The following PPFIA2 variants were observed in gnomAD, a reference collection of about 807,000 sequenced individuals.
The protein encoded by PPFIA2 is PPFI scaffold protein A2, also known as liprin-alpha-2.
A neutral mutation model predicts 175.5 loss-of-function variants in PPFIA2; 46 were observed. That is an observed-to-expected ratio of 0.26 (90% CI 0.21 to 0.34). PPFIA2 has a LOEUF of 0.34. Among genes scored for constraint, PPFIA2 ranks in the 10% least tolerant of loss-of-function variants. PPFIA2 has a pLI of 1.00. For missense variants in PPFIA2, 1,179 were observed against 1,506.1 expected, an observed-to-expected ratio of 0.78 and a Z score of 3.60; for synonymous variants, 568 against 511.4, an observed-to-expected ratio of 1.11 and a Z score of -1.49.
chr12:81,309,138 T>C (rs1298633098), intron 22 of PPFIA2, among the ~76,000 whole-genome samples: 1 of 152,184 alleles, frequency 6.6e-6, no homozygotes, highest in Non-Finnish European at 1.5e-5. Context: ...GTAAAATGTA[T>C]ATTGTTTCAC....
At chr12:81,654,239 A>G (rs906888070) in intron 4 of PPFIA2, among the ~76,000 whole-genome samples, 2 of 152,064 alleles carry the variant, frequency 1.3e-5, no homozygotes, top group African/African-American at 4.8e-5. Flanking sequence ...ACCTTGTATT[A>G]TATAAGATGT....
intron 3 of PPFIA2, among the ~76,000 whole-genome samples, chr12:81,695,062 G>T (rs1263418252): frequency 6.6e-6 from 1 of 152,010 alleles, no homozygotes; most frequent in Non-Finnish European, 1.5e-5. Context: ...TAACTAATTT[G>T]TTTTTTATTT....
At chr12:81,384,836 T>C (rs1049275344) in intron 8 of PPFIA2, among the ~76,000 whole-genome samples, 8 of 152,150 alleles carry the variant, frequency 5.3e-5, no homozygotes, top group Non-Finnish European at 7.4e-5. Flanking sequence ...CATAAAATCA[T>C]GTGTGCACAC....
intron 3 of PPFIA2, among the ~76,000 whole-genome samples, chr12:81,751,086 A>C (rs2083701037): frequency 6.6e-6 from 1 of 152,152 alleles, no homozygotes; most frequent in East Asian, 1.9e-4. Context: ...TTACTTATAG[A>C]AAACTTATAG....
At chr12:81,722,487 T>C (rs1185415642) in intron 3 of PPFIA2, among the ~76,000 whole-genome samples, 1 of 151,142 alleles carries the variant, frequency 6.6e-6, no homozygotes, top group Non-Finnish European at 1.5e-5. Flanking sequence ...GTAGTTATGC[T>C]TTTGTAGTTT....
chr12:81,669,375 T>C (rs573816087), intron 4 of PPFIA2, among the ~76,000 whole-genome samples: 87 of 152,178 alleles, frequency 5.7e-4, no homozygotes, highest in Non-Finnish European at 1.1e-3. Flanking sequence ...GTAAATCGTG[T>C]GCTCATTAAC....
At chr12:81,435,018 C>T (rs953896097) in intron 7 of PPFIA2, among the ~76,000 whole-genome samples, 1 of 151,810 alleles carries the variant, frequency 6.6e-6, no homozygotes, top group African/African-American at 2.4e-5. Context: ...CAACTTCATT[C>T]TTTTTACATA....
chr12:81,607,843 G>T (rs2060486500), intron 4 of PPFIA2, among the ~76,000 whole-genome samples: 1 of 152,028 alleles, frequency 6.6e-6, no homozygotes, highest in Admixed American at 6.6e-5. Context: ...AAATAGGCGT[G>T]GTGAGAATGG....
intron 4 of PPFIA2, among the ~76,000 whole-genome samples, chr12:81,623,902 C>T (rs546756180): frequency 2.7e-4 from 41 of 151,984 alleles, no homozygotes; most frequent in African/African-American, 9.6e-4. Context: ...AACAAACACC[C>T]TACAACAAAA....
chr12:81,664,944 A>T (rs1393230833), intron 4 of PPFIA2, among the ~76,000 whole-genome samples: 7 of 151,688 alleles, frequency 4.6e-5, no homozygotes, highest in African/African-American at 1.7e-4. Context: ...AGGACAAAAA[A>T]CCAAACACCA....
chr12:81,733,105 T>A (rs2081132593), intron 3 of PPFIA2, among the ~76,000 whole-genome samples: 1 of 151,640 alleles, frequency 6.6e-6, no homozygotes, highest in African/African-American at 2.4e-5. Context: ...TTATTGTCTC[T>A]ATATAGTAGA....
intron 3 of PPFIA2, among the ~76,000 whole-genome samples, chr12:81,706,806 C>G (rs1019887398): frequency 2.0e-5 from 3 of 152,164 alleles, no homozygotes; most frequent in African/African-American, 4.8e-5. Context: ...CAGCATGGTA[C>G]TGGTACCAAA....
chr12:81,349,451 T>C (rs1468251040), intron 17 of PPFIA2, among the ~76,000 whole-genome samples: 1 of 152,144 alleles, frequency 6.6e-6, no homozygotes, highest in Non-Finnish European at 1.5e-5. Context: ...CATGAATGCA[T>C]TTTTTAACTT....
At chr12:81,452,062 G>GTCATTTACACA (rs1285066308) in intron 5 of PPFIA2, among the ~76,000 whole-genome samples, 2 of 151,834 alleles carry the variant, frequency 1.3e-5, no homozygotes, top group South Asian at 2.1e-4. Context: ...ATGACCACAG[G>GTCATTTACACA]TTCTATGTGT....
At chr12:81,430,837 A>ATG (rs1303608858) in intron 7 of PPFIA2, 3 of 152,264 alleles carry the variant, frequency 2.0e-5, no homozygotes, top group Non-Finnish European at 4.4e-5. Context: ...TGCCCCCAAA[A>ATG]TGTGTGTTGC....
At chr12:81,375,678 A>C (rs2036201729) in intron 10 of PPFIA2, 118 bp downstream of exon 10, 1 of 1,084,650 alleles carries the variant, frequency 9.2e-7, no homozygotes, top group Admixed American at 2.4e-5. Context: ...GAGAATTTCA[A>C]ATTTTAGAGA....
chr12:81,486,108 TA>T (rs1289071554), intron 4 of PPFIA2, among the ~76,000 whole-genome samples: 1 of 151,934 alleles, frequency 6.6e-6, no homozygotes, highest in African/African-American at 2.4e-5. Context: ...TAATAGTAAA[TA>T]TAATTTCACT....
At chr12:81,283,720 A>C (rs1337432719) in intron 25 of PPFIA2, among the ~76,000 whole-genome samples, 2 of 152,112 alleles carry the variant, frequency 1.3e-5, no homozygotes, top group Non-Finnish European at 2.9e-5. Context: ...TTTATTTTTA[A>C]AAGTGACAAA....
chr12:81,589,672 T>C (rs1455284983), intron 4 of PPFIA2, among the ~76,000 whole-genome samples: 1 of 152,140 alleles, frequency 6.6e-6, no homozygotes, highest in Non-Finnish European at 1.5e-5. Context: ...GGAAAGAGCA[T>C]GGATTTTTGT....
Sources: allele counts gnomAD v4.1 joint callset (sites outside exome capture counted in the v4.1 genomes callset), GRCh38; gene constraint gnomAD v4.1.1; transcripts MANE v1.5; gene names NCBI Gene and HGNC (gene_info 2026-07-23, HGNC 2026-07-21).